The following ACSF3 variants were observed in gnomAD, a reference collection of about 807,000 sequenced individuals.
ACSF3 encodes the protein acyl-CoA synthetase family member 3.
A neutral mutation model predicts 53.2 loss-of-function variants in ACSF3; 78 were observed. The ratio of observed to expected loss-of-function variants is 1.47; its 90% CI spans 1.22 to 1.77. The LOEUF (loss-of-function observed/expected upper bound fraction) is 1.77. ACSF3 is among the 40% of genes most tolerant of loss of function. ACSF3 has a pLI of 0.00. For synonymous variants in ACSF3, 414 were observed against 333.1 expected (o/e 1.24, Z -2.65); for missense variants, 937 against 771.1 (o/e 1.22, Z -2.55).
chr16:89,106,494 A>G (rs898947000), intron 4 of ACSF3, among the ~76,000 whole-genome samples: 2 of 152,148 alleles, frequency 1.3e-5, no homozygotes, highest in South Asian at 2.1e-4. Flanking sequence ...GGGTTTCACT[A>G]TGTTGGCCAG....
chr16:89,137,313 G>A (rs1328304947), intron 8 of ACSF3, among the ~76,000 whole-genome samples: 3 of 150,296 alleles, frequency 2.0e-5, no homozygotes, highest in African/African-American at 7.4e-5. Flanking sequence ...GGAGCTCACG[G>A]GGAAGGATTG....
At chr16:89,142,128 A>G (rs1417810628) in intron 8 of ACSF3, among the ~76,000 whole-genome samples, 1 of 152,174 alleles carries the variant, frequency 6.6e-6, no homozygotes, top group Admixed American at 6.5e-5. Context: ...TGCGTGCAGC[A>G]CAGCAGGCAG....
At chr16:89,145,901 G>A in intron 9 of ACSF3, 37 bp from the exon 10 acceptor site, 1 of 1,558,562 alleles carries the variant, frequency 6.4e-7, no homozygotes, top group Admixed American at 1.7e-5. Context: ...GGTCACTGAG[G>A]CATCCCCATG....
chr16:89,094,742 A>G lies in ACSF3; in HGVS notation c.-194+746A>G, dbSNP rs564524501. ...ACCCCTATCTCTACAAAAAAATGTA[A>G]AAATTAGCTGGGTGTGGTGGCGTAC... On this transcript the variant is annotated intron_variant, in intron 1 of 10. Transcript: ENST00000614302. 2.5e-3 allele frequency among the ~76,000 whole-genome samples: 374 copies of G among 152,174 alleles called. 1 individual carries two copies. Among genetic ancestry groups the G allele is most frequent in the African/African-American group, 8.4e-3 (349 of 41,530 alleles).
intron 8 of ACSF3, among the ~76,000 whole-genome samples, chr16:89,135,975 A>G (rs928611476): frequency 6.6e-6 from 1 of 152,180 alleles, no homozygotes; most frequent in Admixed American, 6.5e-5. Flanking sequence ...GGGTTTTGCC[A>G]TGTTGGCCAG....
At chr16:89,127,546 T>A (rs2151502095) in intron 7 of ACSF3, among the ~76,000 whole-genome samples, 1 of 152,228 alleles carries the variant, frequency 6.6e-6, no homozygotes, top group South Asian at 2.1e-4. Flanking sequence ...TTTTTATTTT[T>A]GTAGAGTTGG....
intron 8 of ACSF3, among the ~76,000 whole-genome samples, chr16:89,140,708 T>C (rs1374255389): frequency 2.0e-5 from 3 of 151,882 alleles, no homozygotes; most frequent in Non-Finnish European, 4.4e-5. Flanking sequence ...CGGCCAGGAG[T>C]GCTTCCTCCG....
At chr16:89,141,697 T>A (rs996519167) in intron 8 of ACSF3, among the ~76,000 whole-genome samples, 1 of 152,046 alleles carries the variant, frequency 6.6e-6, no homozygotes, top group African/African-American at 2.4e-5. Flanking sequence ...CAGGCAGCAG[T>A]GAGGATGGGG....
chr16:89,126,840 T>C (rs1034098389), intron 7 of ACSF3, among the ~76,000 whole-genome samples: 1 of 152,192 alleles, frequency 6.6e-6, no homozygotes, highest in Non-Finnish European at 1.5e-5. Flanking sequence ...GCAGTCCGAG[T>C]GGACCTTCTT....
At chr16:89,098,454 TCA>T (rs1477868006) in intron 1 of ACSF3, 135 bp from the exon 2 acceptor site, 8 of 356,672 alleles carry the variant, frequency 2.2e-5, no homozygotes, top group African/African-American at 1.7e-4. Flanking sequence ...GAGATAAGGC[TCA>T]CAGCTTTATT....
intron 4 of ACSF3, among the ~76,000 whole-genome samples, chr16:89,103,394 G>A (rs1358617535): frequency 6.6e-6 from 1 of 152,260 alleles, no homozygotes; most frequent in Non-Finnish European, 1.5e-5. Context: ...GGCAAAGTCC[G>A]TTCCTGCCTC....
rs575332308 is a variant in ACSF3, at chr16:89,117,683, G to A, written c.1127-3118G>A. 1.1e-3 allele frequency among the ~76,000 whole-genome samples: 169 copies of A among 152,180 alleles called. 2 individuals are homozygous for A. Among genetic ancestry groups the A allele is most frequent in the African/African-American group, 3.7e-3 (155 of 41,506 alleles). On this transcript the variant is annotated intron_variant, in intron 6 of 10. Transcript: ENST00000614302. ...CCAGGGACCGCCGTCCACACCGAGG[G>A]CGCCAAGGAGCAGATAGTAGCCCAG...
chr16:89,102,986 C>T (rs1179547566), intron 4 of ACSF3, among the ~76,000 whole-genome samples: 2 of 152,208 alleles, frequency 1.3e-5, no homozygotes, highest in Admixed American at 6.5e-5. Context: ...CCTGTACCTA[C>T]GATGCTTTTT....
chr16:89,112,356 T>G, intron 5 of ACSF3, 110 bp downstream of exon 5: 1 of 1,396,962 alleles, frequency 7.2e-7, no homozygotes, highest in East Asian at 2.3e-5. Context: ...TGCTTTCCAT[T>G]TCCTTTCAAT....
At chr16:89,117,328 C>T (rs1168779237) in intron 6 of ACSF3, among the ~76,000 whole-genome samples, 2 of 152,200 alleles carry the variant, frequency 1.3e-5, no homozygotes, top group Non-Finnish European at 2.9e-5. Flanking sequence ...CACGGTCACG[C>T]GGCTGGTGAG....
At chr16:89,142,430 G>C (rs1470018281) in intron 8 of ACSF3, among the ~76,000 whole-genome samples, 1 of 152,174 alleles carries the variant, frequency 6.6e-6, no homozygotes, top group Non-Finnish European at 1.5e-5. Context: ...GGAGATCTCA[G>C]CACCAGGGCT....
intron 4 of ACSF3, among the ~76,000 whole-genome samples, chr16:89,104,321 G>A (rs1187673511): frequency 6.6e-6 from 1 of 152,254 alleles, no homozygotes; most frequent in Non-Finnish European, 1.5e-5. Flanking sequence ...CCATCTCTGA[G>A]GCCAGATGCC....
chr16:89,124,487 C>G (rs1907524974), intron 7 of ACSF3, among the ~76,000 whole-genome samples: 1 of 72,030 alleles, frequency 1.4e-5, no homozygotes. Flanking sequence ...CGTGCACACA[C>G]TGAGTGTGTG....
At chr16:89,100,160 C>G (rs908066970) in intron 2 of ACSF3, among the ~76,000 whole-genome samples, 11 of 152,198 alleles carry the variant, frequency 7.2e-5, no homozygotes, top group African/African-American at 2.7e-4. Context: ...AACCTTGGCA[C>G]CTCACCACAT....
Sources: allele counts gnomAD v4.1 joint callset (sites outside exome capture counted in the v4.1 genomes callset), GRCh38; gene constraint gnomAD v4.1.1; transcripts MANE v1.5; gene names NCBI Gene and HGNC (gene_info 2026-07-23, HGNC 2026-07-21).